SCCPDH: variants seen among roughly 807,000 people sequenced by gnomAD.
SCCPDH encodes saccharopine dehydrogenase-like oxidoreductase.
SCCPDH carries 34 observed loss-of-function variants against 51.5 expected under a neutral mutation model. That is an observed-to-expected ratio of 0.66 (90% CI 0.50 to 0.88). The LOEUF (loss-of-function observed/expected upper bound fraction) is 0.88, where lower values mean the gene tolerates loss of function less well. Among genes scored for constraint, SCCPDH ranks in the 40% least tolerant of loss-of-function variants. SCCPDH has a pLI of 0.00. For synonymous variants in SCCPDH, 187 were observed against 191.3 expected, an observed-to-expected ratio of 0.98 and a Z score of 0.19; for missense variants, 464 against 527.1, an observed-to-expected ratio of 0.88 and a Z score of 1.17.
chr1:246,739,598 A>G (rs527960947), intron 3 of SCCPDH, among the ~76,000 whole-genome samples: 4 of 152,244 alleles, frequency 2.6e-5, no homozygotes, highest in African/African-American at 4.8e-5. Flanking sequence ...GTACTGGTTC[A>G]TTAATTGTAA....
chr1:246,738,195 C>T lies in SCCPDH; in HGVS notation c.385-1977C>T, dbSNP rs573362388. Among the ~76,000 whole-genome samples, 16 of 149,028 alleles carry T rather than the reference C, an allele frequency of 1.1e-4. No individual in the cohort carries two copies. The South Asian group carries it at 3.0e-3, about 28-fold the overall frequency. On this transcript the variant is annotated intron_variant, in intron 3 of 11. Coordinates refer to ENST00000366510, the MANE Select transcript of SCCPDH (RefSeq NM_016002.3). ...TGGGCAACAGGGTCGGATCCTGTCTCAAAACAACAACAACAAACCTATTAA... is the reference window on the plus strand; with the variant it reads ...TGGGCAACAGGGTCGGATCCTGTCTTAAAACAACAACAACAAACCTATTAA...
At chr1:246,738,625 C>T (rs1484038775) in intron 3 of SCCPDH, among the ~76,000 whole-genome samples, 1 of 151,906 alleles carries the variant, frequency 6.6e-6, no homozygotes, top group Admixed American at 6.6e-5. Flanking sequence ...GAGGCCGAGG[C>T]ACGTGGATCA....
intron 5 of SCCPDH, among the ~76,000 whole-genome samples, chr1:246,749,148 C>A (rs1191115956): frequency 6.6e-6 from 1 of 152,176 alleles, no homozygotes; most frequent in Non-Finnish European, 1.5e-5. Context: ...TGGAAGAGAG[C>A]TACCACACAG....
chr1:246,744,540 C>T (rs961666762), intron 5 of SCCPDH, among the ~76,000 whole-genome samples: 2 of 151,948 alleles, frequency 1.3e-5, no homozygotes, highest in East Asian at 1.9e-4. Flanking sequence ...AGGCTGGTCT[C>T]GAACTCCTGA....
intron 5 of SCCPDH, among the ~76,000 whole-genome samples, chr1:246,748,468 C>T (rs748879371): frequency 9.9e-5 from 15 of 152,096 alleles, no homozygotes; most frequent in Admixed American, 2.0e-4. Flanking sequence ...ACACAAACAC[C>T]GCCTTTTTTG....
At chr1:246,751,930 GC>G (rs1245281664) in intron 5 of SCCPDH, among the ~76,000 whole-genome samples, 1 of 131,330 alleles carries the variant, frequency 7.6e-6, no homozygotes, top group African/African-American at 3.1e-5. Flanking sequence ...CCGCCACCAC[GC>G]CCGGCTAATT....
At chr1:246,765,645 T>C (rs1414336906) in intron 10 of SCCPDH, among the ~76,000 whole-genome samples, 1 of 152,126 alleles carries the variant, frequency 6.6e-6, no homozygotes, top group African/African-American at 2.4e-5. Flanking sequence ...CAGTGTACAA[T>C]AGAGAAACAA....
At position 246,768,082 on chromosome 1, in the gene SCCPDH, G is replaced by A. The variant is rs1669115812; in HGVS notation, c.*782G>A. The stretch of plus-strand genomic sequence containing the variant: ...TTTTACATGGAAGCCCTAAAATAAG[G>A]CAAAAGACTTTTTCTTTTGTAATAA... On this transcript the variant is annotated 3_prime_UTR_variant, in exon 12 of 12. Coordinates refer to ENST00000366510, the MANE Select transcript of SCCPDH (RefSeq NM_016002.3). 1 of 152,006 alleles carries A rather than the reference G, an allele frequency of 6.6e-6. No individual in the cohort carries two copies. Among genetic ancestry groups the A allele is most frequent in the African/African-American group, 2.4e-5 (1 of 41,364 alleles). 9.4% of individuals were successfully genotyped at this position (152,006 alleles called of 1,614,324 possible). A position where few individuals can be genotyped will look rare whatever the true frequency, so the allele number is the denominator to read the frequency against.
At chr1:246,760,804 G>T (rs1669001590) in intron 9 of SCCPDH, among the ~76,000 whole-genome samples, 1 of 152,148 alleles carries the variant, frequency 6.6e-6, no homozygotes, top group African/African-American at 2.4e-5. Flanking sequence ...CTGAACAGAT[G>T]GTAGCAGCAA....
intron 4 of SCCPDH, among the ~76,000 whole-genome samples, chr1:246,743,708 C>T (rs563261268): frequency 1.3e-5 from 2 of 152,234 alleles, no homozygotes; most frequent in Admixed American, 6.5e-5. Flanking sequence ...TCCCAGAATT[C>T]GGGTGAGCTC....
intron 9 of SCCPDH, among the ~76,000 whole-genome samples, chr1:246,762,676 A>G (rs1202399338): frequency 1.3e-5 from 2 of 152,028 alleles, no homozygotes; most frequent in African/African-American, 4.8e-5. Flanking sequence ...CTTCATCTCT[A>G]CTAAAAATAC....
chr1:246,736,529 A>G (rs993756392), intron 3 of SCCPDH, among the ~76,000 whole-genome samples: 100 of 152,048 alleles, frequency 6.6e-4, no homozygotes, highest in African/African-American at 1.7e-3. Flanking sequence ...GTGAAACCCC[A>G]TGTCTACTAA....
chr1:246,766,148 G>A lies in SCCPDH; in HGVS notation c.1184+9G>A. The A allele has an allele frequency of 6.3e-7, 1 of 1,580,860 alleles. No individual in the cohort carries two copies. On this transcript the variant is annotated intron_variant, in intron 11 of 11. Coordinates refer to ENST00000366510, the MANE Select transcript of SCCPDH (RefSeq NM_016002.3). ...TCTCATCTGCCTAAGGCGTAAGTTTGGTTTTCTTCCAATTAGAAGATCTTT... is the reference window on the plus strand; with the variant it reads ...TCTCATCTGCCTAAGGCGTAAGTTTAGTTTTCTTCCAATTAGAAGATCTTT...
chr1:246,752,259 T>C (rs1462518737), intron 5 of SCCPDH, among the ~76,000 whole-genome samples: 2 of 152,166 alleles, frequency 1.3e-5, no homozygotes, highest in African/African-American at 4.8e-5. Flanking sequence ...GGGATTTTAA[T>C]TATGTGCTAG....
chr1:246,731,138 G>C (rs114174931), intron 2 of SCCPDH, among the ~76,000 whole-genome samples: 2 of 152,182 alleles, frequency 1.3e-5, no homozygotes, highest in East Asian at 3.8e-4. Flanking sequence ...CCTCACAGGG[G>C]AGAAGTGTCT....
intron 1 of SCCPDH, among the ~76,000 whole-genome samples, chr1:246,724,848 CCTT>C (rs1376445576): frequency 3.3e-5 from 5 of 151,246 alleles, no homozygotes; most frequent in Non-Finnish European, 7.4e-5. Context: ...TTTTTTCTTT[CCTT>C]CTCCTCTTTC....
intron 9 of SCCPDH, among the ~76,000 whole-genome samples, chr1:246,763,410 T>C (rs1256548363): frequency 6.6e-6 from 1 of 152,178 alleles, no homozygotes; most frequent in Non-Finnish European, 1.5e-5. Context: ...TCTTGAATTG[T>C]ATGTTCTGGA....
intron 3 of SCCPDH, among the ~76,000 whole-genome samples, chr1:246,739,280 T>A (rs963648223): frequency 6.6e-6 from 1 of 152,156 alleles, no homozygotes; most frequent in African/African-American, 2.4e-5. Flanking sequence ...CGATGTGATA[T>A]GATATGATAA....
At position 246,758,255 on chromosome 1, in the gene SCCPDH, G is replaced by A. The variant is rs1475489353; in HGVS notation, c.594G>A (p.Lys198=). Reference sequence around the variant, plus strand: ...TGAGCATTCATGATGGTACCTGGAAGTCAGCAATTTATGGTTTTGGAGATC... The same window carrying A: ...TGAGCATTCATGATGGTACCTGGAAATCAGCAATTTATGGTTTTGGAGATC... The part of the protein sequence containing the change: ...EGLSIHDGTW[K]SAIYGFGDQS... Residue 198 remains lysine (K), a synonymous_variant, in exon 6 of 12, where the codon AAG becomes AAA. Transcript: ENST00000366510. 6.2e-7 allele frequency: 1 copy of A among 1,607,328 alleles called. No individual in the cohort carries two copies. The highest frequency in any genetic ancestry group is 2.2e-5 in the East Asian group (1 of 44,528).
Sources: gnomAD v4.1 joint callset for allele counts (sites outside exome capture counted in the v4.1 genomes callset) on GRCh38, gnomAD v4.1.1 for gene constraint, MANE v1.5 for transcripts, NCBI Gene and HGNC (gene_info 2026-07-23, HGNC 2026-07-21) for gene names.